The following ZBTB20 variants were observed in gnomAD, a reference collection of about 807,000 sequenced individuals.
The protein encoded by ZBTB20 is zinc finger and BTB domain containing 20, also known as zinc finger and BTB domain-containing protein 20.
Under a neutral mutation model 56.9 loss-of-function variants are expected in ZBTB20, and 9 were observed. That is an observed-to-expected ratio of 0.16 (90% CI 0.10 to 0.28). The LOEUF (loss-of-function observed/expected upper bound fraction) is 0.28, where lower values mean the gene tolerates loss of function less well. Ranked by LOEUF, ZBTB20 falls within the 10% of genes least tolerant of loss-of-function variation. The pLI is 1.00. For synonymous variants in ZBTB20, 417 were observed against 420.7 expected (o/e 0.99, Z 0.11); for missense variants, 655 against 1,003.0 (o/e 0.65, Z 4.69).
chr3:114,991,594 G>C (rs1481822767), intron 2 of ZBTB20, among the ~76,000 whole-genome samples: 1 of 152,116 alleles, frequency 6.6e-6, no homozygotes, highest in African/African-American at 2.4e-5. Flanking sequence ...ATTTGGGGTG[G>C]AGAGTTCTGT....
intron 7 of ZBTB20, among the ~76,000 whole-genome samples, chr3:114,404,857 C>T (rs911335255): frequency 6.6e-6 from 1 of 152,150 alleles, no homozygotes; most frequent in Non-Finnish European, 1.5e-5. Flanking sequence ...CTCAGTTTGC[C>T]TCCTTTTACT....
At chr3:114,740,125 C>A (rs757034859) in intron 5 of ZBTB20, among the ~76,000 whole-genome samples, 2 of 152,016 alleles carry the variant, frequency 1.3e-5, no homozygotes, top group Non-Finnish European at 2.9e-5. Context: ...TTTTCATAAT[C>A]CATTTTAAGG....
rs772817439 is a variant in ZBTB20, at chr3:115,097,272, G to A, written c.-702-25858C>T. Among the ~76,000 whole-genome samples the A allele has an allele frequency of 3.7e-4, 57 of 152,120 alleles. No homozygotes were observed. The Middle Eastern group carries it at 0.024, about 64-fold the overall frequency. On this transcript the variant is annotated intron_variant, in intron 1 of 11. Transcript: ENST00000675478. ...CGGCTCACTACAACCTCCACCTCCC[G>A]GGTTCAAGGGATTCTCCTGCCTCAG...
intron 7 of ZBTB20, among the ~76,000 whole-genome samples, chr3:114,438,868 A>C (rs974764047): frequency 2.0e-5 from 3 of 152,190 alleles, no homozygotes; most frequent in Non-Finnish European, 4.4e-5. Context: ...ATACCCATGA[A>C]GCTGGCCCTA....
Position 114,813,027 on chromosome 3 carries a change from GCACCTCTCCCTCCA to G in ZBTB20, c.-416-11867_-416-11854del, listed in dbSNP as rs760908277. The stretch of plus-strand genomic sequence containing the variant: ...CCGCGCGCAGCCCCGGTTCCCGCCC[GCACCTCTCCCTCCA>G]CACCTCCTCGCAAGCTGAGGGAGCC... On this transcript the variant is annotated intron_variant, in intron 4 of 11. Coordinates refer to ENST00000675478, the MANE Select transcript of ZBTB20 (RefSeq NM_001348800.3). 3.7e-4 allele frequency among the ~76,000 whole-genome samples: 57 copies of G among 152,210 alleles called. 1 individual carries two copies. The highest frequency in any genetic ancestry group is 2.2e-3 in the Admixed American group (33 of 15,290).
intron 1 of ZBTB20, among the ~76,000 whole-genome samples, chr3:115,110,895 A>G (rs1228345598): frequency 1.3e-5 from 2 of 152,036 alleles, no homozygotes; most frequent in Non-Finnish European, 2.9e-5. Context: ...AGGCTGAGAC[A>G]GGAAAAATTA....
intron 5 of ZBTB20, among the ~76,000 whole-genome samples, chr3:114,696,184 T>C (rs1462733252): frequency 6.6e-6 from 1 of 152,102 alleles, no homozygotes; most frequent in Admixed American, 6.6e-5. Context: ...GCACCAGATT[T>C]TTCCATACAA....
At chr3:114,587,013 T>G (rs2055246216) in intron 6 of ZBTB20, among the ~76,000 whole-genome samples, 2 of 111,740 alleles carry the variant, frequency 1.8e-5, no homozygotes, top group African/African-American at 6.4e-5. Context: ...TTTTTTTTTT[T>G]GAGATGAAGT....
chr3:114,987,158 A>G (rs1394143332), intron 2 of ZBTB20, among the ~76,000 whole-genome samples: 1 of 152,168 alleles, frequency 6.6e-6, no homozygotes, highest in East Asian at 1.9e-4. Context: ...AGATAACATG[A>G]TAAAGTCTGC....
chr3:114,760,006 C>T (rs2068321027), intron 5 of ZBTB20, among the ~76,000 whole-genome samples: 1 of 152,064 alleles, frequency 6.6e-6, no homozygotes, highest in African/African-American at 2.4e-5. Context: ...AAAGAATATA[C>T]AGAGATTAAA....
chr3:114,435,067 A>G (rs2090425932), intron 7 of ZBTB20, among the ~76,000 whole-genome samples: 1 of 152,160 alleles, frequency 6.6e-6, no homozygotes, highest in East Asian at 1.9e-4. Context: ...TATGATCCGG[A>G]GAGAGGTTAA....
At chr3:114,599,238 A>T (rs538029852) in intron 6 of ZBTB20, 5 of 152,216 alleles carry the variant, frequency 3.3e-5, no homozygotes, top group Non-Finnish European at 7.4e-5. Flanking sequence ...CACAATTATT[A>T]TAGTATACAT....
chr3:114,811,182 ATACT>A (rs1183962933), intron 4 of ZBTB20, among the ~76,000 whole-genome samples: 1 of 152,216 alleles, frequency 6.6e-6, no homozygotes, highest in Non-Finnish European at 1.5e-5. Context: ...GCAGGTCCAA[ATACT>A]TACTTGGATC....
At chr3:114,771,261 G>A (rs989308218) in intron 5 of ZBTB20, among the ~76,000 whole-genome samples, 14 of 151,970 alleles carry the variant, frequency 9.2e-5, no homozygotes, top group Admixed American at 4.6e-4. Flanking sequence ...GAATAACATA[G>A]TAGAACATAC....
intron 7 of ZBTB20, among the ~76,000 whole-genome samples, chr3:114,420,524 G>T (rs1162586606): frequency 6.6e-6 from 1 of 152,136 alleles, no homozygotes; most frequent in Non-Finnish European, 1.5e-5. Flanking sequence ...TGATACAGGA[G>T]AATGATGTCT....
chr3:114,942,007 G>A (rs2076736808), intron 3 of ZBTB20, among the ~76,000 whole-genome samples: 1 of 146,094 alleles, frequency 6.8e-6, no homozygotes, highest in Non-Finnish European at 1.5e-5. Flanking sequence ...TCTATGCCTA[G>A]TTATTCACTA....
intron 1 of ZBTB20, among the ~76,000 whole-genome samples, chr3:115,142,616 T>C (rs1238226654): frequency 1.3e-5 from 2 of 151,062 alleles, no homozygotes; most frequent in Non-Finnish European, 2.9e-5. Flanking sequence ...CGGGCCAAGA[T>C]TGTGCCACTA....
At chr3:114,866,133 C>T (rs967892155) in intron 4 of ZBTB20, among the ~76,000 whole-genome samples, 1 of 152,160 alleles carries the variant, frequency 6.6e-6, no homozygotes, top group Non-Finnish European at 1.5e-5. Flanking sequence ...ACTTTATTTC[C>T]TCATGTATTT....
At chr3:114,361,610 G>A (rs1235054789) in intron 10 of ZBTB20, among the ~76,000 whole-genome samples, 1 of 152,166 alleles carries the variant, frequency 6.6e-6, no homozygotes, top group Non-Finnish European at 1.5e-5. Context: ...AAAACAAAGA[G>A]TTTTCTTTCC....
Sources: gnomAD v4.1 joint callset for allele counts (sites outside exome capture counted in the v4.1 genomes callset) on GRCh38, gnomAD v4.1.1 for gene constraint, MANE v1.5 for transcripts, NCBI Gene and HGNC (gene_info 2026-07-23, HGNC 2026-07-21) for gene names.